Variants in RAD51B observed in about 807,000 individuals in gnomAD.
The protein encoded by RAD51B is RAD51 paralog B.
In RAD51B, 38 loss-of-function variants were observed where a neutral mutation model predicts 42.2. That is an observed-to-expected ratio of 0.90 (90% CI 0.70 to 1.18). The LOEUF is 1.18. Among genes scored for constraint, RAD51B ranks in the 50% most tolerant of loss-of-function variants. The pLI, the probability that RAD51B is intolerant of heterozygous loss-of-function variation, is 0.00. For missense variants in RAD51B, 373 were observed against 400.7 expected (o/e 0.93, Z 0.59); for synonymous variants, 154 against 145.2 (o/e 1.06, Z -0.43).
chr14:68,262,156 C>T (rs530002856), intron 7 of RAD51B, among the ~76,000 whole-genome samples: 34 of 152,090 alleles, frequency 2.2e-4, no homozygotes, highest in African/African-American at 8.2e-4. Context: ...TGTGCACACA[C>T]GTGTATTTGT....
intron 7 of RAD51B, among the ~76,000 whole-genome samples, chr14:67,946,953 A>C (rs1252495730): frequency 6.6e-6 from 1 of 152,192 alleles, no homozygotes; most frequent in African/African-American, 2.4e-5. Flanking sequence ...TCTTAATTTG[A>C]TATATTTAAG....
intron 7 of RAD51B, among the ~76,000 whole-genome samples, chr14:68,004,318 G>A (rs1469154653): frequency 8.1e-6 from 1 of 123,696 alleles, no homozygotes. Flanking sequence ...GGGCAACACA[G>A]CAAGACTCCG....
intron 7 of RAD51B, among the ~76,000 whole-genome samples, chr14:68,072,458 G>T (rs2076768470): frequency 6.6e-6 from 1 of 152,008 alleles, no homozygotes; most frequent in South Asian, 2.1e-4. Flanking sequence ...TGTAGACTGG[G>T]AGGCTAGGCT....
At chr14:68,204,428 A>G (rs923829322) in intron 7 of RAD51B, among the ~76,000 whole-genome samples, 2 of 152,248 alleles carry the variant, frequency 1.3e-5, no homozygotes, top group Non-Finnish European at 2.9e-5. Flanking sequence ...CAAGAATAAC[A>G]TCAAAGATCA....
At chr14:68,575,805 G>A (rs992991246) in intron 10 of RAD51B, among the ~76,000 whole-genome samples, 10 of 152,174 alleles carry the variant, frequency 6.6e-5, no homozygotes, top group African/African-American at 1.7e-4. Context: ...TTACCTTACC[G>A]TTTAGGGTAG....
rs115321333 is a variant in RAD51B, at chr14:68,087,383, C to T, written c.756+200179C>T. On this transcript the variant is annotated intron_variant, in intron 7 of 10. Transcript: ENST00000471583. ...GAGACTTTTCCCATTGTCAAAGTAC[C>T]TCTAGCCAGTCTACCTTAATTAGCA... is the stretch of plus-strand genomic sequence containing the variant. Among the ~76,000 whole-genome samples, 622 of 152,190 alleles carry T rather than the reference C, an allele frequency of 4.1e-3. 6 individuals carry two copies. The highest frequency in any genetic ancestry group is 0.014 in the African/African-American group (588 of 41,506).
chr14:68,033,418 CT>C (rs34199443), intron 7 of RAD51B, among the ~76,000 whole-genome samples: 2 of 150,082 alleles, frequency 1.3e-5, no homozygotes, highest in Admixed American at 6.7e-5. Context: ...AACATCAAAT[CT>C]TTTTTTTTTC....
intron 7 of RAD51B, among the ~76,000 whole-genome samples, chr14:67,952,482 TATC>T (rs1400405792): frequency 6.6e-6 from 1 of 152,152 alleles, no homozygotes; most frequent in Admixed American, 6.5e-5. Context: ...ATTAGTAACA[TATC>T]ATTGCAATAG....
intron 8 of RAD51B, among the ~76,000 whole-genome samples, chr14:68,301,734 T>A (rs1595681020): frequency 6.6e-6 from 1 of 152,016 alleles, no homozygotes; most frequent in Non-Finnish European, 1.5e-5. Context: ...GTAGCTGGGA[T>A]TACAGGCATG....
intron 7 of RAD51B, among the ~76,000 whole-genome samples, chr14:68,048,709 C>A (rs1435356925): frequency 6.6e-6 from 1 of 152,156 alleles, no homozygotes; most frequent in South Asian, 2.1e-4. Flanking sequence ...CAGGAAACAA[C>A]AGGTGCTGGA....
chr14:67,929,567 C>T (rs2044650416), intron 7 of RAD51B, among the ~76,000 whole-genome samples: 1 of 152,082 alleles, frequency 6.6e-6, no homozygotes, highest in Non-Finnish European at 1.5e-5. Flanking sequence ...TGTTAGATAA[C>T]ATTTTCTGTA....
In RAD51B at chr14:68,539,822, G is replaced by A. The variant is rs185139201; in HGVS notation, c.1037-54663G>A. 1.0e-3 allele frequency among the ~76,000 whole-genome samples: 158 copies of A among 152,292 alleles called. 1 individual carries two copies. Among genetic ancestry groups the A allele is most frequent in the African/African-American group, 3.6e-3 (151 of 41,556 alleles). The stretch of plus-strand genomic sequence containing the variant: ...ACTGATTTTCATTGTTTTAATTTTG[G>A]GGAAGGGGTGAGAAAGGAGGGACTT... On this transcript the variant is annotated intron_variant, in intron 10 of 10. Transcript: ENST00000487270.
chr14:68,371,036 CA>C (rs75617123), intron 8 of RAD51B, among the ~76,000 whole-genome samples: 27 of 26,104 alleles, frequency 1.0e-3, no homozygotes, highest in Middle Eastern at 0.031. Context: ...GACTCTGTCT[CA>C]AAAAAAAAAA....
intron 4 of RAD51B, among the ~76,000 whole-genome samples, chr14:67,849,150 T>C (rs1002974347): frequency 3.3e-5 from 5 of 152,266 alleles, no homozygotes; most frequent in African/African-American, 1.2e-4. Flanking sequence ...CCATCAAGTA[T>C]GTTTTCCAGG....
At chr14:68,168,530 T>G (rs2078801554) in intron 7 of RAD51B, among the ~76,000 whole-genome samples, 1 of 152,146 alleles carries the variant, frequency 6.6e-6, no homozygotes, top group African/African-American at 2.4e-5. Context: ...TAAACAGCAT[T>G]CAATTTGAAA....
chr14:67,899,318 G>A (rs561106960), intron 7 of RAD51B, among the ~76,000 whole-genome samples: 1 of 152,000 alleles, frequency 6.6e-6, no homozygotes, highest in Non-Finnish European at 1.5e-5. Context: ...CAAAGTGCTG[G>A]GATTACAGGT....
At chr14:67,859,927 T>C (rs909952501) in intron 4 of RAD51B, among the ~76,000 whole-genome samples, 5 of 152,156 alleles carry the variant, frequency 3.3e-5, no homozygotes, top group African/African-American at 4.8e-5. Context: ...TTCGTGCGAT[T>C]CTCCTGTCTC....
chr14:68,301,592 GTT>G (rs139865933), intron 8 of RAD51B, among the ~76,000 whole-genome samples: 20 of 109,754 alleles, frequency 1.8e-4, no homozygotes, highest in South Asian at 6.5e-4. Context: ...TTGTTTGTGT[GTT>G]TTTTTTTTTT....
chr14:68,087,441 T>C (rs976123328), intron 7 of RAD51B, among the ~76,000 whole-genome samples: 9 of 152,180 alleles, frequency 5.9e-5, no homozygotes, highest in African/African-American at 2.2e-4. Flanking sequence ...TCATCATGAT[T>C]GACTGGTCTA....
Sources: gnomAD v4.1 joint callset for allele counts (sites outside exome capture counted in the v4.1 genomes callset) on GRCh38, gnomAD v4.1.1 for gene constraint, MANE v1.5 for transcripts, NCBI Gene and HGNC (gene_info 2026-07-23, HGNC 2026-07-21) for gene names.